MCC: variants seen among roughly 807,000 people sequenced by gnomAD.
The protein encoded by MCC is colorectal mutant cancer protein.
A neutral mutation model predicts 116.2 loss-of-function variants in MCC; 90 were observed. The ratio of observed to expected loss-of-function variants is 0.77; its 90% confidence interval spans 0.65 to 0.92. The LOEUF (loss-of-function observed/expected upper bound fraction) is 0.92, where lower values mean the gene tolerates loss of function less well. Ranked by LOEUF, MCC falls within the 40% of genes least tolerant of loss-of-function variation. MCC has a pLI of 0.00. For synonymous variants in MCC, 578 were observed against 510.5 expected (o/e 1.13, Z -1.78); for missense variants, 1,516 against 1,312.2 (o/e 1.16, Z -2.40).
chr5:113,437,697 G>A (rs558254795), intron 1 of MCC, among the ~76,000 whole-genome samples: 9 of 152,010 alleles, frequency 5.9e-5, no homozygotes, highest in African/African-American at 1.4e-4. Context: ...AAATCTACTC[G>A]GCAGTTTCTC....
At chr5:113,144,956 C>A (rs1759403760) in intron 4 of MCC, among the ~76,000 whole-genome samples, 1 of 152,096 alleles carries the variant, frequency 6.6e-6, no homozygotes, top group Non-Finnish European at 1.5e-5. Context: ...TGGAAGCTTT[C>A]CTAAACAAAG....
At chr5:113,218,408 A>C (rs150946818) in intron 3 of MCC, among the ~76,000 whole-genome samples, 349 of 152,202 alleles carry the variant, frequency 2.3e-3, no homozygotes, top group African/African-American at 8.1e-3. Flanking sequence ...TGATCTGCTG[A>C]GTGCCTCCGC....
In MCC at chr5:113,098,776, A is replaced by G. The variant is rs186180905; in HGVS notation, c.1398+2963T>C. Among the ~76,000 whole-genome samples, 578 of 152,316 alleles carry G rather than the reference A, an allele frequency of 3.8e-3. 4 individuals are homozygous for G. Among genetic ancestry groups the G allele is most frequent in the African/African-American group, 0.013 (520 of 41,564 alleles). On this transcript the variant is annotated intron_variant, in intron 8 of 18. Transcript: ENST00000408903. The stretch of plus-strand genomic sequence containing the variant: ...AATCCTATTGATCTGGTCGGTTAAA[A>G]TTCTATACAATGAATGTGGGCAAAG...
chr5:113,374,084 G>A (rs1253811374), intron 2 of MCC, among the ~76,000 whole-genome samples: 4 of 151,922 alleles, frequency 2.6e-5, no homozygotes, highest in Non-Finnish European at 4.4e-5. Flanking sequence ...TTAGAGATGG[G>A]GTTTCACCAT....
chr5:113,424,525 A>G (rs910140585), intron 1 of MCC, among the ~76,000 whole-genome samples: 3 of 152,076 alleles, frequency 2.0e-5, no homozygotes, highest in Non-Finnish European at 4.4e-5. Flanking sequence ...GACCAGCCTC[A>G]CCATCATGGT....
intron 1 of MCC, among the ~76,000 whole-genome samples, chr5:113,445,227 C>A (rs1461001047): frequency 2.6e-5 from 4 of 152,010 alleles, no homozygotes; most frequent in African/African-American, 4.8e-5. Context: ...CTTAAAATTT[C>A]AGAAGTCCTA....
chr5:113,160,553 T>A (rs1168086147), intron 3 of MCC, among the ~76,000 whole-genome samples: 1 of 152,200 alleles, frequency 6.6e-6, no homozygotes, highest in African/African-American at 2.4e-5. Context: ...AGAGCCAGAA[T>A]GAAAGCCCAG....
chr5:113,296,217 G>T (rs1251490610), intron 3 of MCC, among the ~76,000 whole-genome samples: 1 of 152,132 alleles, frequency 6.6e-6, no homozygotes, highest in Non-Finnish European at 1.5e-5. Flanking sequence ...ATTGAAATCT[G>T]TTGAAAACTG....
intron 3 of MCC, among the ~76,000 whole-genome samples, chr5:113,277,328 A>G (rs572687554): frequency 6.6e-6 from 1 of 151,740 alleles, no homozygotes; most frequent in East Asian, 1.9e-4. Flanking sequence ...AGATTGTGCC[A>G]CTGCACTCCA....
chr5:113,109,148 C>G (rs114551641), intron 6 of MCC, among the ~76,000 whole-genome samples: 1 of 152,122 alleles, frequency 6.6e-6, no homozygotes, highest in East Asian at 1.9e-4. Context: ...AGTAGAGTTG[C>G]TGGATCATAT....
chr5:113,443,097 C>A (rs1771092904), intron 1 of MCC, among the ~76,000 whole-genome samples: 1 of 152,140 alleles, frequency 6.6e-6, no homozygotes, highest in South Asian at 2.1e-4. Context: ...GGCAGTATGG[C>A]CATTTTCACG....
chr5:113,257,938 G>T (rs569301546), intron 3 of MCC, among the ~76,000 whole-genome samples: 1 of 152,178 alleles, frequency 6.6e-6, no homozygotes, highest in African/African-American at 2.4e-5. Flanking sequence ...TAGCAGTGCA[G>T]AAACTTGCAG....
At chr5:113,462,402 C>G (rs1270436393) in intron 1 of MCC, among the ~76,000 whole-genome samples, 1 of 152,188 alleles carries the variant, frequency 6.6e-6, no homozygotes, top group Non-Finnish European at 1.5e-5. Context: ...CTCAGGCTGC[C>G]ATATTTTCCT....
intron 6 of MCC, among the ~76,000 whole-genome samples, chr5:113,110,299 G>T (rs1331880776): frequency 2.6e-5 from 4 of 152,222 alleles, no homozygotes; most frequent in Non-Finnish European, 4.4e-5. Context: ...GGAAAGGCTG[G>T]GAGCAAACGG....
intron 3 of MCC, among the ~76,000 whole-genome samples, chr5:113,230,989 G>C (rs1023916081): frequency 6.6e-6 from 1 of 152,012 alleles, no homozygotes; most frequent in East Asian, 1.9e-4. Context: ...CCCAGCTACA[G>C]GAATTTCTTG....
chr5:113,061,369 G>A (rs1055120725), intron 14 of MCC, among the ~76,000 whole-genome samples: 2 of 152,212 alleles, frequency 1.3e-5, no homozygotes, highest in Non-Finnish European at 2.9e-5. Flanking sequence ...GCTGAACTGT[G>A]AGGCCTGCCA....
intron 3 of MCC, among the ~76,000 whole-genome samples, chr5:113,328,672 A>G (rs1325043125): frequency 1.3e-5 from 2 of 152,160 alleles, no homozygotes; most frequent in African/African-American, 4.8e-5. Flanking sequence ...TAACTGCACA[A>G]TCGTGTCAGG....
At chr5:113,356,376 ATAT>A (rs1467134381) in intron 2 of MCC, among the ~76,000 whole-genome samples, 7 of 148,238 alleles carry the variant, frequency 4.7e-5, no homozygotes, top group Middle Eastern at 3.6e-3. Context: ...CTAATAGATA[ATAT>A]TATATATTTT....
chr5:113,461,551 TCCCA>T (rs1771742479), intron 1 of MCC, among the ~76,000 whole-genome samples: 2 of 151,250 alleles, frequency 1.3e-5, no homozygotes, highest in Admixed American at 6.6e-5. Flanking sequence ...ATGCCTGTAA[TCCCA>T]GGGCTTTGGG....
Sources: gnomAD v4.1 joint callset for allele counts (sites outside exome capture counted in the v4.1 genomes callset) on GRCh38, gnomAD v4.1.1 for gene constraint, MANE v1.5 for transcripts, NCBI Gene and HGNC (gene_info 2026-07-23, HGNC 2026-07-21) for gene names.